Variants in SLC12A3 observed in about 807,000 individuals in gnomAD.
SLC12A3 encodes the protein Na-Cl cotransporter.
In SLC12A3, 104 loss-of-function variants were observed where a neutral mutation model predicts 121.0. The ratio of observed to expected loss-of-function variants is 0.86; its 90% CI spans 0.73 to 1.01. SLC12A3 has a LOEUF of 1.01. Among genes scored for constraint, SLC12A3 ranks in the 50% least tolerant of loss-of-function variants. SLC12A3 has a pLI of 0.00. For missense variants in SLC12A3, 1,328 were observed against 1,356.3 expected, an observed-to-expected ratio of 0.98 and a Z score of 0.33; for synonymous variants, 536 against 533.4, an observed-to-expected ratio of 1.00 and a Z score of -0.07.
chr16:56,906,126 C>A (rs2144776930), intron 25 of SLC12A3, among the ~76,000 whole-genome samples: 1 of 152,318 alleles, frequency 6.6e-6, no homozygotes, highest in Non-Finnish European at 1.5e-5. Context: ...ATATTAGATT[C>A]ATGAGAGGAG....
rs2055322321 is a variant in SLC12A3 at position 56,887,006 on chromosome 16, C to G, written c.2091C>G (p.Thr697=). The G allele has an allele frequency of 6.2e-7, 1 of 1,613,864 alleles. No individual in the cohort carries two copies. The highest frequency in any genetic ancestry group is 1.3e-5 in the African/African-American group (1 of 75,030). The change falls in exon 17 of 26, where the codon ACC becomes ACG. Residue 697 remains threonine (T), a synonymous_variant. Transcript: ENST00000563236. ...TCCAGCTCATCGCCAACGGGCACACCAAGTGGCTGAACAAGAGGAAGATCA... is the reference window on the plus strand; with the variant it reads ...TCCAGCTCATCGCCAACGGGCACACGAAGTGGCTGAACAAGAGGAAGATCA... ...PELQLIANGH[T]KWLNKRKIKA... is the part of the protein sequence containing the mutation.
At chr16:56,909,377 C>T (rs1390516131) in intron 25 of SLC12A3, among the ~76,000 whole-genome samples, 3 of 152,060 alleles carry the variant, frequency 2.0e-5, no homozygotes, top group South Asian at 4.1e-4. Flanking sequence ...AATTTCATCC[C>T]GGGAGGTGAC....
chr16:56,878,050 C>CCCTCCCTCTCTCCCTCCCTCCCTCT, intron 8 of SLC12A3, 27 bp from the exon 9 acceptor site: 2 of 701,704 alleles, frequency 2.9e-6, no homozygotes, highest in Non-Finnish European at 5.2e-6. Flanking sequence ...CTCCCTCCCT[C>CCCTCCCTCTCTCCCTCCCTCCCTCT]CCTCCCTCTC....
chr16:56,887,902 A>T, intron 17 of SLC12A3, 23 bp from the exon 18 acceptor site: 1 of 1,588,536 alleles, frequency 6.3e-7, no homozygotes. Flanking sequence ...TGGGTTCCCC[A>T]TCTCACCCCT....
At chr16:56,907,327 G>T (rs1253332084) in intron 25 of SLC12A3, among the ~76,000 whole-genome samples, 2 of 152,124 alleles carry the variant, frequency 1.3e-5, no homozygotes, top group Non-Finnish European at 2.9e-5. Context: ...GCTTGGTGGT[G>T]CACACCTGTA....
At position 56,865,347 on chromosome 16, in the gene SLC12A3, G is replaced by C; in HGVS notation, c.112G>C (p.Asp38His). 1 of 1,614,132 alleles carries C rather than the reference G, an allele frequency of 6.2e-7. No homozygotes were observed. Among genetic ancestry groups the C allele is most frequent in the Non-Finnish European group, 8.5e-7 (1 of 1,180,042 alleles). ...SDEPSPPAAYDSSHPSHLTHS... is the reference protein window; with the variant it reads ...SDEPSPPAAYHSSHPSHLTHS... The stretch of plus-strand genomic sequence containing the variant: ...TGAGCCCTCTCCACCAGCTGCCTAT[G>C]ACAGCAGCCACCCCAGCCACCTGAC... Residue 38 changes from aspartate (D) to histidine (H), a missense_variant, in exon 1 of 26, where the codon GAC (aspartate) becomes CAC (histidine). Coordinates refer to ENST00000563236, the MANE Select transcript of SLC12A3 (RefSeq NM_001126108.2).
intron 18 of SLC12A3, among the ~76,000 whole-genome samples, chr16:56,889,980 CAG>C (rs1356993315): frequency 6.6e-6 from 1 of 152,200 alleles, no homozygotes; most frequent in African/African-American, 2.4e-5. Flanking sequence ...CCTCCATGGG[CAG>C]AGTTGAGTTG....
At chr16:56,909,793 G>A (rs1276807008) in intron 25 of SLC12A3, among the ~76,000 whole-genome samples, 1 of 140,776 alleles carries the variant, frequency 7.1e-6, no homozygotes, top group Non-Finnish European at 1.5e-5. Context: ...TTCTGAGGAA[G>A]GGAAAAAAAA....
intron 22 of SLC12A3, among the ~76,000 whole-genome samples, chr16:56,899,238 G>A (rs1220209545): frequency 6.6e-6 from 1 of 152,020 alleles, no homozygotes; most frequent in Non-Finnish European, 1.5e-5. Flanking sequence ...TCTCAGGCTG[G>A]GCATGGTGGC....
At chr16:56,877,131 C>T (rs2055173839) in intron 8 of SLC12A3, among the ~76,000 whole-genome samples, 1 of 152,218 alleles carries the variant, frequency 6.6e-6, no homozygotes, top group Non-Finnish European at 1.5e-5. Context: ...GGGGCTCACG[C>T]CTGTAATCCC....
At chr16:56,868,684 C>T (rs1321741011) in intron 3 of SLC12A3, among the ~76,000 whole-genome samples, 3 of 152,188 alleles carry the variant, frequency 2.0e-5, no homozygotes, top group Non-Finnish European at 2.9e-5. Flanking sequence ...GCACTCTGGC[C>T]GGGCACGGTG....
intron 8 of SLC12A3, among the ~76,000 whole-genome samples, chr16:56,874,527 A>G (rs2055142175): frequency 1.3e-5 from 2 of 152,200 alleles, no homozygotes; most frequent in Admixed American, 6.6e-5. Flanking sequence ...TGAGCCAGGC[A>G]CAGTGGCTCA....
intron 24 of SLC12A3, among the ~76,000 whole-genome samples, chr16:56,903,488 G>T (rs1443958070): frequency 6.6e-6 from 1 of 152,178 alleles, no homozygotes; most frequent in African/African-American, 2.4e-5. Flanking sequence ...ACTCGGGGGT[G>T]GGGCTGCTAC....
chr16:56,879,168 A>C lies in SLC12A3; in HGVS notation c.1276A>C (p.Asn426His), dbSNP rs200817545. The change falls in exon 10 of 26, where the codon AAC becomes CAC. Residue 426 changes from asparagine (N) to histidine (H), a missense_variant. Coordinates refer to ENST00000563236, the MANE Select transcript of SLC12A3 (RefSeq NM_001126108.2). ...GGGGCTGGCCTGCAGCTATGGCTGG[A>C]ACTTCACCGAGTGCACCCAGCAGCA... ...CEGLACSYGW[N>H]FTECTQQHSC... 1.9e-6 allele frequency: 3 copies of C among 1,612,092 alleles called. No individual in the cohort carries two copies.
chr16:56,906,569 C>T (rs1355581119), intron 25 of SLC12A3: 4 of 263,292 alleles, frequency 1.5e-5, no homozygotes, highest in South Asian at 5.6e-5. Flanking sequence ...CTAGGAAGGT[C>T]GTGACCAACT....
At chr16:56,898,013 G>C (rs952497689) in intron 22 of SLC12A3, among the ~76,000 whole-genome samples, 1 of 152,122 alleles carries the variant, frequency 6.6e-6, no homozygotes, top group African/African-American at 2.4e-5. Context: ...CTCTCTCCCA[G>C]CACACTCCAT....
At chr16:56,909,440 A>G (rs1337223280) in intron 25 of SLC12A3, among the ~76,000 whole-genome samples, 6 of 112,322 alleles carry the variant, frequency 5.3e-5, no homozygotes, top group Non-Finnish European at 7.1e-5. Flanking sequence ...CCATCCCCCA[A>G]ACTCACAGGG....
chr16:56,887,798 A>ATATATATATT (rs1433682477), intron 17 of SLC12A3, 127 bp from the exon 18 acceptor site: 2 of 68,456 alleles, frequency 2.9e-5, no homozygotes, highest in African/African-American at 1.1e-4. Context: ...ATATATATAT[A>ATATATATATT]TTTTTTTTTT....
At chr16:56,906,980 A>C in intron 25 of SLC12A3, 1 of 250,448 alleles carries the variant, frequency 4.0e-6, no homozygotes, top group Non-Finnish European at 7.7e-6. Context: ...TGTTATCTGC[A>C]GCCATTGTGG....
Sources: gnomAD v4.1 joint callset for allele counts (sites outside exome capture counted in the v4.1 genomes callset) on GRCh38, gnomAD v4.1.1 for gene constraint, MANE v1.5 for transcripts, NCBI Gene and HGNC (gene_info 2026-07-23, HGNC 2026-07-21) for gene names.